Variants in SEMA6D observed in about 807,000 individuals in gnomAD.
The protein encoded by SEMA6D is semaphorin-6D.
A neutral mutation model predicts 106.6 loss-of-function variants in SEMA6D; 35 were observed. That is an observed-to-expected ratio of 0.33 (90% confidence interval 0.25 to 0.44). The LOEUF is 0.44. SEMA6D is among the 20% of genes least tolerant of loss of function. SEMA6D has a pLI of 1.00. For synonymous variants in SEMA6D, 499 were observed against 487.7 expected (o/e 1.02, Z -0.31); for missense variants, 1,185 against 1,345.9 (o/e 0.88, Z 1.87).
chr15:47,769,022 G>A (rs1406440657), intron 18 of SEMA6D, among the ~76,000 whole-genome samples: 1 of 152,178 alleles, frequency 6.6e-6, no homozygotes, highest in African/African-American at 2.4e-5. Flanking sequence ...GAAGCAGAGA[G>A]CCTGCTGGAT....
chr15:47,391,957 C>G (rs2040049738), intron 1 of SEMA6D, among the ~76,000 whole-genome samples: 1 of 152,068 alleles, frequency 6.6e-6, no homozygotes. Flanking sequence ...AAAACACCAC[C>G]ATATGCTTCC....
rs972568791 is a variant in SEMA6D, at chr15:47,299,458, G to A, written c.-238-112935G>A. On this transcript the variant is annotated intron_variant, in intron 1 of 19. Transcript: ENST00000558014. ...TTCAGTGTAATTTTGGATTCCTTTT[G>A]GGTATTTACCTTTGGCAGGGAAAGT... Among the ~76,000 whole-genome samples, 5 of 152,286 alleles carry A rather than the reference G, an allele frequency of 3.3e-5. No homozygotes were observed. In the South Asian group the frequency reaches 1.0e-3, roughly 32 times the overall value.
chr15:47,629,157 G>T (rs2077252180), intron 4 of SEMA6D, among the ~76,000 whole-genome samples: 1 of 152,024 alleles, frequency 6.6e-6, no homozygotes, highest in South Asian at 2.1e-4. Context: ...TCATAAAATT[G>T]AATAAATCGA....
rs1441171195 is a variant in SEMA6D, at chr15:47,772,440, T to A, written c.*655T>A. The A allele has an allele frequency of 6.6e-6, 1 of 152,156 alleles. No homozygotes were observed. The highest frequency in any genetic ancestry group is 1.5e-5 in the Non-Finnish European group (1 of 68,216). 9.4% of individuals were successfully genotyped at this position (152,156 alleles called of 1,614,324 possible). A position where few individuals can be genotyped will look rare whatever the true frequency, so the allele number is the denominator to read the frequency against. The stretch of plus-strand genomic sequence containing the variant: ...AGGTGCCCATTGCATCTTTTTGTGC[T>A]ATGGAGTTGTTTACATTAAGCATGA... On this transcript the variant is annotated 3_prime_UTR_variant, in exon 19 of 19. Coordinates refer to ENST00000536845, the MANE Select transcript of SEMA6D (RefSeq NM_001358351.3).
At chr15:47,442,637 T>C (rs2041915358) in intron 2 of SEMA6D, among the ~76,000 whole-genome samples, 1 of 152,094 alleles carries the variant, frequency 6.6e-6, no homozygotes, top group Admixed American at 6.6e-5. Context: ...TATGTTGACA[T>C]TGTTTGGGTT....
chr15:47,714,073 T>C (rs1326066954), upstream of SEMA6D, among the ~76,000 whole-genome samples: 1 of 152,216 alleles, frequency 6.6e-6, no homozygotes, highest in African/African-American at 2.4e-5. Context: ...TCATCCCTGT[T>C]TTCCAGATGA....
In SEMA6D at chr15:47,410,727, A is replaced by G. The variant is rs188464114; in HGVS notation, c.-238-1666A>G. ...ACCTATTGATTCAGAATCTTTAGGA[A>G]GTAAGGCCAAAGAATCTGTGTTGTT... is the stretch of plus-strand genomic sequence containing the variant. On this transcript the variant is annotated intron_variant, in intron 1 of 19. Coordinates refer to the SEMA6D transcript ENST00000558014. 1.2e-3 allele frequency among the ~76,000 whole-genome samples: 179 copies of G among 152,272 alleles called. 1 individual carries two copies. Among genetic ancestry groups the G allele is most frequent in the African/African-American group, 4.0e-3 (167 of 41,572 alleles).
At chr15:47,407,406 C>CAAAAAA (rs1231097214) in intron 1 of SEMA6D, among the ~76,000 whole-genome samples, 7 of 105,778 alleles carry the variant, frequency 6.6e-5, no homozygotes, top group Admixed American at 1.1e-4. Context: ...ACAACAACAA[C>CAAAAAA]AACAAAAAAA....
intron 2 of SEMA6D, among the ~76,000 whole-genome samples, chr15:47,428,720 G>A (rs2041426934): frequency 6.6e-6 from 1 of 151,924 alleles, no homozygotes; most frequent in Non-Finnish European, 1.5e-5. Flanking sequence ...GTTGCAGTGA[G>A]CTGAGATTGC....
chr15:47,552,830 T>TA (rs1555389637), intron 3 of SEMA6D, among the ~76,000 whole-genome samples: 6 of 68,408 alleles, frequency 8.8e-5, no homozygotes, highest in South Asian at 3.6e-4. Context: ...ATATATATTT[T>TA]TATATATATA....
At chr15:47,376,593 T>C (rs1567037348) in intron 1 of SEMA6D, among the ~76,000 whole-genome samples, 1 of 152,190 alleles carries the variant, frequency 6.6e-6, no homozygotes, top group Non-Finnish European at 1.5e-5. Context: ...CCCAGACTGT[T>C]CATCTAAGTT....
At chr15:47,339,374 G>T (rs1275342291) in intron 1 of SEMA6D, among the ~76,000 whole-genome samples, 1 of 152,094 alleles carries the variant, frequency 6.6e-6, no homozygotes, top group Non-Finnish European at 1.5e-5. Context: ...TCAACCCATG[G>T]GATGTGACAC....
intron 1 of SEMA6D, among the ~76,000 whole-genome samples, chr15:47,398,223 C>T (rs1367409384): frequency 6.6e-6 from 1 of 152,228 alleles, no homozygotes; most frequent in Non-Finnish European, 1.5e-5. Context: ...ATCACCTTCA[C>T]AGTCATTTCC....
At chr15:47,723,724 G>T (rs997031283) in intron 1 of SEMA6D, among the ~76,000 whole-genome samples, 4 of 151,562 alleles carry the variant, frequency 2.6e-5, no homozygotes, top group African/African-American at 9.7e-5. Flanking sequence ...TTTTATTCAG[G>T]ATCTCTATGA....
intron 3 of SEMA6D, among the ~76,000 whole-genome samples, chr15:47,519,856 T>G (rs2044513952): frequency 6.6e-6 from 1 of 152,230 alleles, no homozygotes; most frequent in Non-Finnish European, 1.5e-5. Context: ...TTCTTTGAGC[T>G]TCTTGGGAGA....
chr15:47,483,340 A>G (rs999133369), intron 3 of SEMA6D, among the ~76,000 whole-genome samples: 2 of 152,182 alleles, frequency 1.3e-5, no homozygotes, highest in Admixed American at 1.3e-4. Context: ...AACTTGATTC[A>G]CATACTGACC....
intron 3 of SEMA6D, among the ~76,000 whole-genome samples, chr15:47,477,098 A>G (rs1333517938): frequency 6.6e-6 from 1 of 152,192 alleles, no homozygotes; most frequent in Non-Finnish European, 1.5e-5. Context: ...AGATTCACAA[A>G]CTGGATATTT....
At chr15:47,275,480 A>G (rs2034761611) in intron 1 of SEMA6D, among the ~76,000 whole-genome samples, 1 of 152,004 alleles carries the variant, frequency 6.6e-6, no homozygotes, top group Non-Finnish European at 1.5e-5. Flanking sequence ...ATTTTTGGTA[A>G]TTGTCACAAT....
In SEMA6D at chr15:47,771,810, G is replaced by A. The variant is rs1327371128; in HGVS notation, c.*25G>A. ...GGCCTCAAGTGTGCTATTCCCATGT[G>A]GCTTTATCCTGTCCGTGTTGTTGAG... On this transcript the variant is annotated 3_prime_UTR_variant, in exon 19 of 19. Coordinates refer to ENST00000536845, the MANE Select transcript of SEMA6D (RefSeq NM_001358351.3). 2 of 1,588,760 alleles carry A rather than the reference G, an allele frequency of 1.3e-6. No individual in the cohort carries two copies. Among genetic ancestry groups the A allele is most frequent in the African/African-American group, 1.3e-5 (1 of 74,430 alleles).
Sources: gnomAD v4.1 joint callset for allele counts (sites outside exome capture counted in the v4.1 genomes callset) on GRCh38, gnomAD v4.1.1 for gene constraint, MANE v1.5 for transcripts, NCBI Gene and HGNC (gene_info 2026-07-23, HGNC 2026-07-21) for gene names.